Variants in DNAJC6 observed in about 807,000 individuals in gnomAD.
DNAJC6 encodes auxilin.
In DNAJC6, 34 loss-of-function variants were observed where a neutral mutation model predicts 110.0. That is an observed-to-expected ratio of 0.31 (90% CI 0.24 to 0.41). The LOEUF is 0.41. Among genes scored for constraint, DNAJC6 ranks in the 10% least tolerant of loss-of-function variants. The pLI, the probability that DNAJC6 is intolerant of heterozygous loss-of-function variation, is 1.00. For missense variants in DNAJC6, 1,031 were observed against 1,207.8 expected (o/e 0.85, Z 2.17); for synonymous variants, 406 against 437.2 (o/e 0.93, Z 0.89).
At chr1:65,364,838 C>G in intron 2 of DNAJC6, 53 bp downstream of exon 2, 1 of 1,596,752 alleles carries the variant, frequency 6.3e-7, no homozygotes. Context: ...CTCAAAGGAT[C>G]TGGTTACCTG....
At position 65,401,744 on chromosome 1, in the gene DNAJC6, C is replaced by A; in HGVS notation, c.2108-17C>A. On this transcript the variant is annotated splice_polypyrimidine_tract_variant and intron_variant, in intron 14 of 18. Coordinates refer to ENST00000371069, the MANE Select transcript of DNAJC6 (RefSeq NM_001256864.2). ...CAAACAACTAACTCATTTTCAATGA[C>A]CTTATTTCCTTTTCAGGAGGCTTTG... 6.2e-7 allele frequency: 1 copy of A among 1,605,718 alleles called. No homozygotes were observed. The highest frequency in any genetic ancestry group is 1.7e-4 in the Middle Eastern group (1 of 6,034).
At chr1:65,337,818 T>G (rs530882512) in intron 1 of DNAJC6, among the ~76,000 whole-genome samples, 1 of 152,292 alleles carries the variant, frequency 6.6e-6, no homozygotes, top group Non-Finnish European at 1.5e-5. Flanking sequence ...ATCCTTGGAT[T>G]TTGGTATCCT....
chr1:65,318,249 T>A (rs987832679), intron 1 of DNAJC6, among the ~76,000 whole-genome samples: 4 of 152,084 alleles, frequency 2.6e-5, no homozygotes, highest in African/African-American at 9.7e-5. Context: ...CAGAATAAAA[T>A]AAATAAGTAT....
At chr1:65,392,068 G>A (rs913629702) in intron 11 of DNAJC6, among the ~76,000 whole-genome samples, 38 of 152,226 alleles carry the variant, frequency 2.5e-4, no homozygotes, top group Admixed American at 3.9e-4. Flanking sequence ...GAACCACCAC[G>A]CCCGGCCGTT....
At chr1:65,338,082 A>G (rs1359533) in intron 1 of DNAJC6, among the ~76,000 whole-genome samples, 101,884 of 152,066 alleles carry the variant, frequency 0.67, 35,152 homozygotes, top group African/African-American at 0.85. Context: ...TTAGAGGGAA[A>G]TGGTGCATAA....
At chr1:65,392,157 G>C (rs1033127670) in intron 11 of DNAJC6, among the ~76,000 whole-genome samples, 4 of 152,212 alleles carry the variant, frequency 2.6e-5, no homozygotes, top group Non-Finnish European at 5.9e-5. Context: ...CAGTGTCATA[G>C]AGCCAGTGAG....
intron 1 of DNAJC6, among the ~76,000 whole-genome samples, chr1:65,288,481 A>G (rs1375496225): frequency 1.3e-5 from 2 of 152,338 alleles, no homozygotes; most frequent in East Asian, 3.9e-4. Flanking sequence ...ATGAACTGCT[A>G]AACATCGGTT....
In DNAJC6 at chr1:65,319,663, A is replaced by G. The variant is rs1483046808; in HGVS notation, c.193+9725A>G. ...AAAAAACAAAAAACAAAAAAACCAA[A>G]ACAACCCTGACCCCAGAAATTCTCA... On this transcript the variant is annotated intron_variant, in intron 1 of 18. Coordinates refer to ENST00000371069, the MANE Select transcript of DNAJC6 (RefSeq NM_001256864.2). Among the ~76,000 whole-genome samples, 8 of 152,252 alleles carry G rather than the reference A, an allele frequency of 5.3e-5. No individual in the cohort carries two copies. In the South Asian group the frequency reaches 1.7e-3, roughly 32 times the overall value.
At chr1:65,406,851 G>C (rs1014958552) in intron 16 of DNAJC6, among the ~76,000 whole-genome samples, 2 of 152,214 alleles carry the variant, frequency 1.3e-5, no homozygotes, top group Admixed American at 6.5e-5. Flanking sequence ...CTCCAATGAA[G>C]TACATAGGAA....
At chr1:65,300,762 T>A (rs1644971647) in intron 1 of DNAJC6, among the ~76,000 whole-genome samples, 1 of 152,158 alleles carries the variant, frequency 6.6e-6, no homozygotes, top group African/African-American at 2.4e-5. Context: ...TCCCTTTAAT[T>A]AGATGTTGTC....
intron 1 of DNAJC6, among the ~76,000 whole-genome samples, chr1:65,267,616 TCATA>T (rs1333301514): frequency 1.3e-5 from 2 of 151,958 alleles, no homozygotes; most frequent in Non-Finnish European, 2.9e-5. Flanking sequence ...CTGAAATAAA[TCATA>T]GCTCAGTAAT....
At chr1:65,385,514 G>A (rs1000267712) in intron 6 of DNAJC6, among the ~76,000 whole-genome samples, 198 bp from the exon 7 acceptor site, 6 of 152,180 alleles carry the variant, frequency 3.9e-5, no homozygotes, top group African/African-American at 1.2e-4. Flanking sequence ...GTTCATTGGG[G>A]AAGTACAGCA....
At chr1:65,287,785 G>A (rs1654070585) in intron 1 of DNAJC6, among the ~76,000 whole-genome samples, 1 of 151,984 alleles carries the variant, frequency 6.6e-6, no homozygotes. Context: ...TGTATTTTTT[G>A]TAGAGACAGA....
rs1418377722 is a variant in DNAJC6, at chr1:65,379,448, A to G, written c.590A>G (p.Asn197Ser). ...ATTAGGCAGGCTCCCAGTCTGCACA[A>G]CCTTTTTGCTGTGTGTCGGAATATG... ...WPIRQAPSLH[N>S]LFAVCRNMYN... is the part of the protein sequence containing the mutation. The change falls in exon 5 of 19, where the codon AAC (asparagine) becomes AGC (serine). Residue 197 changes from asparagine (N) to serine (S), a missense_variant. Transcript: ENST00000371069. 2.5e-6 allele frequency: 4 copies of G among 1,613,984 alleles called. No homozygotes were observed. The highest frequency in any genetic ancestry group is 1.3e-5 in the African/African-American group (1 of 74,914).
chr1:65,332,971 T>A (rs941514402), intron 1 of DNAJC6, among the ~76,000 whole-genome samples: 2 of 152,192 alleles, frequency 1.3e-5, no homozygotes, highest in African/African-American at 4.8e-5. Context: ...TGAGTTGCTC[T>A]GAGAACAATG....
chr1:65,329,115 C>T (rs1316481320), intron 1 of DNAJC6, among the ~76,000 whole-genome samples: 11 of 152,132 alleles, frequency 7.2e-5, no homozygotes, highest in South Asian at 2.1e-4. Flanking sequence ...CTGCAATGGC[C>T]GCTTCTCCTT....
chr1:65,395,167 A>T (rs1645964752), intron 13 of DNAJC6, 135 bp downstream of exon 13: 1 of 978,200 alleles, frequency 1.0e-6, no homozygotes, highest in African/African-American at 1.7e-5. Flanking sequence ...TTTGAAATTA[A>T]CAACTCACCT....
At chr1:65,333,178 A>G (rs992177383) in intron 1 of DNAJC6, among the ~76,000 whole-genome samples, 8 of 152,184 alleles carry the variant, frequency 5.3e-5, no homozygotes, top group Non-Finnish European at 4.4e-5. Context: ...AAACAACACT[A>G]TCCCCCAAAT....
intron 1 of DNAJC6, among the ~76,000 whole-genome samples, chr1:65,275,332 G>A (rs1653634125): frequency 6.6e-6 from 1 of 152,162 alleles, no homozygotes; most frequent in South Asian, 2.1e-4. Context: ...GCTTTTGAAG[G>A]ACAATTTTAC....
Sources: allele counts gnomAD v4.1 joint callset (sites outside exome capture counted in the v4.1 genomes callset), GRCh38; gene constraint gnomAD v4.1.1; transcripts MANE v1.5; gene names NCBI Gene and HGNC (gene_info 2026-07-23, HGNC 2026-07-21).